Variants in AGAP1 observed in about 807,000 individuals in gnomAD.
AGAP1 encodes the protein ArfGAP with GTPase domain, ankyrin repeat and PH domain 1, also known as arf-GAP with GTPase, ANK repeat and PH domain-containing protein 1.
A neutral mutation model predicts 105.3 loss-of-function variants in AGAP1; 29 were observed. The ratio of observed to expected loss-of-function variants is 0.28; its 90% CI spans 0.21 to 0.38. The LOEUF (loss-of-function observed/expected upper bound fraction) is 0.38. Ranked by LOEUF, AGAP1 falls within the 10% of genes least tolerant of loss-of-function variation. The pLI, the probability that AGAP1 is intolerant of heterozygous loss-of-function variation, is 1.00. For synonymous variants in AGAP1, 509 were observed against 485.9 expected (o/e 1.05, Z -0.63); for missense variants, 998 against 1,165.1 (o/e 0.86, Z 2.09).
In AGAP1 at chr2:235,931,087, G is replaced by T. The variant is rs35953119; in HGVS notation, c.1483+164G>T. ...ACATCTTGCCTTTCATCTGTGGAAC[G>T]TTTTGTCCTTGCTAGGCTGTCTTGC... On this transcript the variant is annotated intron_variant, in intron 12 of 17. Transcript: ENST00000304032. The surrounding 1 kb of genome is among the most constrained non-coding windows in gnomAD (Gnocchi z 5.6). Among the ~76,000 whole-genome samples, 1 of 152,016 alleles carries T rather than the reference G, an allele frequency of 6.6e-6. No homozygotes were observed. Among genetic ancestry groups the T allele is most frequent in the Non-Finnish European group, 1.5e-5 (1 of 67,978 alleles).
rs1943949130 is a variant in AGAP1 at position 235,555,598 on chromosome 2, C to T, written c.163+60749C>T. Among the ~76,000 whole-genome samples the T allele has an allele frequency of 6.6e-6, 1 of 152,226 alleles. No individual in the cohort carries two copies. Among genetic ancestry groups the T allele is most frequent in the Non-Finnish European group, 1.5e-5 (1 of 68,038 alleles). On this transcript the variant is annotated intron_variant, in intron 1 of 17. Transcript: ENST00000304032. The surrounding 1 kb of genome is among the most constrained non-coding windows in gnomAD (Gnocchi z 5.1). ...GAGGTAGTCATGTTTGGAGGCCGGG[C>T]TGTGCATGAGCTATGCAGGCCTTGG... is the stretch of plus-strand genomic sequence containing the variant.
Position 235,744,762 on chromosome 2 carries a change from C to T in AGAP1, c.461C>T (p.Thr154Ile), listed in dbSNP as rs368517565. Reference protein sequence around the residue: ...FSLEDEISFQTVYHYYSRMAN... With the variant: ...FSLEDEISFQIVYHYYSRMAN... ...TTGGAGGATGAAATAAGTTTCCAGA[C>T]CGTTTACCACTACTACAGTCGAATG... Residue 154 changes from threonine (T) to isoleucine (I), a missense_variant, in exon 5 of 18, where the codon ACC becomes ATC. Around this residue, in one of 3 missense-constraint regions of AGAP1, gnomAD observed 735 missense variants for 833.4 expected, o/e 0.88. Coordinates refer to ENST00000304032, the MANE Select transcript of AGAP1 (RefSeq NM_001037131.3). This position sits in a 1 kb window ranked among gnomAD's most constrained non-coding sequence, Gnocchi z 5.2. 7 of 1,613,872 alleles carry T rather than the reference C, an allele frequency of 4.3e-6. No homozygotes were observed. In the Admixed American group the frequency reaches 1.0e-4, roughly 23 times the overall value.
Position 235,720,543 on chromosome 2 carries a change from A to T in AGAP1, c.310+2899A>T. The T allele has an allele frequency of 2.3e-6, 1 of 438,912 alleles. No individual in the cohort carries two copies. Among genetic ancestry groups the T allele is most frequent in the Non-Finnish European group, 3.0e-6 (1 of 331,008 alleles). 27.2% of individuals were successfully genotyped at this position (438,912 alleles called of 1,614,324 possible). On this transcript the variant is annotated intron_variant, in intron 3 of 17. Coordinates refer to ENST00000304032, the MANE Select transcript of AGAP1 (RefSeq NM_001037131.3). The surrounding 1 kb of genome is among the most constrained non-coding windows in gnomAD (Gnocchi z 5.0). ...CTGTGGCCTTCCCATTTCTTGGTGT[A>T]CTGCTGCCTTCTCATCAGACCTCCT... is the stretch of plus-strand genomic sequence containing the variant.
rs1171343569 is a variant in AGAP1 at position 235,906,964 on chromosome 2, T to C, written c.1156-1774T>C. Among the ~76,000 whole-genome samples the C allele has an allele frequency of 1.3e-5, 2 of 152,156 alleles. No homozygotes were observed. Among genetic ancestry groups the C allele is most frequent in the Admixed American group, 1.3e-4 (2 of 15,276 alleles). On this transcript the variant is annotated intron_variant, in intron 10 of 17. Transcript: ENST00000304032. This position sits in a 1 kb window ranked among gnomAD's most constrained non-coding sequence, Gnocchi z 5.3. ...CCGGAAGGCAGAGGTTACAGTGAGC[T>C]GAGTTCATGCCACTCCACTCCAGCC... is the stretch of plus-strand genomic sequence containing the variant.
chr2:235,796,280 G>T (rs867383320), intron 6 of AGAP1, among the ~76,000 whole-genome samples: 5 of 152,258 alleles, frequency 3.3e-5, no homozygotes, highest in Non-Finnish European at 5.9e-5. Context: ...AACACATTTT[G>T]CATCTGTTGA....
intron 12 of AGAP1, among the ~76,000 whole-genome samples, chr2:235,956,534 G>A (rs2053958509): frequency 6.6e-6 from 1 of 152,132 alleles, no homozygotes; most frequent in South Asian, 2.1e-4. Flanking sequence ...CTGTTGTAGT[G>A]GACAAGAAAG....
rs2059854808 is a variant in AGAP1 at position 236,119,683 on chromosome 2, T to A, written c.2115-509T>A. ...CAGAGACCATGCTTCCATCGTGCGG[T>A]CCGTGCTCTCGGCCCCGGAGACCGT... is the stretch of plus-strand genomic sequence containing the variant. On this transcript the variant is annotated intron_variant, in intron 16 of 17. Coordinates refer to ENST00000304032, the MANE Select transcript of AGAP1 (RefSeq NM_001037131.3). The surrounding 1 kb of genome is among the most constrained non-coding windows in gnomAD (Gnocchi z 6.6). 6.6e-6 allele frequency among the ~76,000 whole-genome samples: 1 copy of A among 150,520 alleles called. No homozygotes were observed. Among genetic ancestry groups the A allele is most frequent in the South Asian group, 2.1e-4 (1 of 4,714 alleles).
At chr2:235,688,764 T>C (rs1309396697) in intron 1 of AGAP1, among the ~76,000 whole-genome samples, 1 of 152,134 alleles carries the variant, frequency 6.6e-6, no homozygotes, top group African/African-American at 2.4e-5. Context: ...AGCATTGGGG[T>C]GCTTTGGTGA....
At chr2:235,860,653 A>G (rs2048890200) in intron 9 of AGAP1, among the ~76,000 whole-genome samples, 1 of 152,252 alleles carries the variant, frequency 6.6e-6, no homozygotes. Context: ...GAGAAGTGGC[A>G]GTAGTACAGA....
At position 236,009,859 on chromosome 2, in the gene AGAP1, CTATCTGAGGAATATT is replaced by C. The variant is rs1198173279; in HGVS notation, c.1646-26694_1646-26680del. On this transcript the variant is annotated intron_variant, in intron 13 of 17. Coordinates refer to ENST00000304032, the MANE Select transcript of AGAP1 (RefSeq NM_001037131.3). The surrounding 1 kb of genome is among the most constrained non-coding windows in gnomAD (Gnocchi z 4.2). Reference sequence around the variant, plus strand: ...CGGCGCTGCATCATTTTTTAATCAGCTATCTGAGGAATATTTATCTGATCAACAAAGAGTGTTGTC... The same window carrying C: ...CGGCGCTGCATCATTTTTTAATCAGCTATCTGATCAACAAAGAGTGTTGTC... Among the ~76,000 whole-genome samples, 1 of 152,158 alleles carries C rather than the reference CTATCTGAGGAATATT, an allele frequency of 6.6e-6. No homozygotes were observed. Among genetic ancestry groups the C allele is most frequent in the African/African-American group, 2.4e-5 (1 of 41,428 alleles).
rs1475497431 is a variant in AGAP1 at position 235,744,004 on chromosome 2, T to C, written c.397-694T>C. Among the ~76,000 whole-genome samples, 1 of 152,224 alleles carries C rather than the reference T, an allele frequency of 6.6e-6. No individual in the cohort carries two copies. The highest frequency in any genetic ancestry group is 2.4e-5 in the African/African-American group (1 of 41,460). On this transcript the variant is annotated intron_variant, in intron 4 of 17. Coordinates refer to ENST00000304032, the MANE Select transcript of AGAP1 (RefSeq NM_001037131.3). The surrounding 1 kb of genome is among the most constrained non-coding windows in gnomAD (Gnocchi z 5.2). Reference sequence around the variant, plus strand: ...GGGTATCTGTCAAAAGAGGATGTGATGTAGGTTCAACTGGCAAGACAAGAA... The same window carrying C: ...GGGTATCTGTCAAAAGAGGATGTGACGTAGGTTCAACTGGCAAGACAAGAA...
At chr2:235,715,352 T>G (rs981123125) in intron 2 of AGAP1, among the ~76,000 whole-genome samples, 1 of 152,104 alleles carries the variant, frequency 6.6e-6, no homozygotes, top group African/African-American at 2.4e-5. Flanking sequence ...CTCGGGGTCC[T>G]AAGTGTAGTG....
Position 235,904,450 on chromosome 2 carries a change from G to C in AGAP1, c.1156-4288G>C, listed in dbSNP as rs549545840. 2.6e-5 allele frequency among the ~76,000 whole-genome samples: 4 copies of C among 152,138 alleles called. No homozygotes were observed. The highest frequency in any genetic ancestry group is 9.7e-5 in the African/African-American group (4 of 41,418). On this transcript the variant is annotated intron_variant, in intron 10 of 17. Transcript: ENST00000304032. This position sits in a 1 kb window ranked among gnomAD's most constrained non-coding sequence, Gnocchi z 4.2. ...TGAGGGGCAGGAGATGGCACCTCTG[G>C]GGGGCCTGGCTCTTGAGTGGGCCCC...
chr2:236,036,167 A>G lies in AGAP1; in HGVS notation c.1646-394A>G, dbSNP rs1318955545. Reference sequence around the variant, plus strand: ...TCTGTGGATCTACGCGAGTGCTTAGATAGAAATTAACCCTGCAGCCGGAGA... The same window carrying G: ...TCTGTGGATCTACGCGAGTGCTTAGGTAGAAATTAACCCTGCAGCCGGAGA... On this transcript the variant is annotated intron_variant, in intron 13 of 17. Transcript: ENST00000304032. This position sits in a 1 kb window ranked among gnomAD's most constrained non-coding sequence, Gnocchi z 5.7. 6.6e-6 allele frequency among the ~76,000 whole-genome samples: 1 copy of G among 152,164 alleles called. No individual in the cohort carries two copies. Among genetic ancestry groups the G allele is most frequent in the Non-Finnish European group, 1.5e-5 (1 of 68,036 alleles).
intron 11 of AGAP1, among the ~76,000 whole-genome samples, chr2:235,910,096 G>A (rs1302544279): frequency 2.0e-5 from 3 of 152,230 alleles, no homozygotes; most frequent in Non-Finnish European, 2.9e-5. Context: ...AACATCAAGT[G>A]CTTTTAAAGA....
rs150492625 is a variant in AGAP1 at position 235,996,068 on chromosome 2, G to A, written c.1645+27445G>A. ...GGAGGGGTACAGAGATTAACTGGAG[G>A]CTTGCCAACCGTTTGTCACACAAAT... On this transcript the variant is annotated intron_variant, in intron 13 of 17. Coordinates refer to ENST00000304032, the MANE Select transcript of AGAP1 (RefSeq NM_001037131.3). Among the ~76,000 whole-genome samples the A allele has an allele frequency of 2.1e-3, 321 of 152,298 alleles. 1 individual carries two copies. Among genetic ancestry groups the A allele is most frequent in the African/African-American group, 7.3e-3 (302 of 41,566 alleles).
intron 1 of AGAP1, among the ~76,000 whole-genome samples, chr2:235,524,835 C>T (rs767538747): frequency 1.3e-5 from 2 of 152,188 alleles, no homozygotes; most frequent in African/African-American, 2.4e-5. Flanking sequence ...CTTCAGTGAA[C>T]AGATGTCTTC....
intron 8 of AGAP1, among the ~76,000 whole-genome samples, chr2:235,803,326 G>A (rs895272141): frequency 2.0e-5 from 3 of 152,210 alleles, no homozygotes; most frequent in Non-Finnish European, 4.4e-5. Flanking sequence ...TGAAATCATA[G>A]CAATTAAGAT....
In AGAP1 at chr2:235,946,210, C is replaced by T. The variant is rs796800755; in HGVS notation, c.1483+15287C>T. On this transcript the variant is annotated intron_variant, in intron 12 of 17. Coordinates refer to ENST00000304032, the MANE Select transcript of AGAP1 (RefSeq NM_001037131.3). ...AAGCTGTTAATTTTGGGGGTGTATA[C>T]CCTTCCAGTTTGTGTGTGTGTGGTT... 3.3e-5 allele frequency among the ~76,000 whole-genome samples: 5 copies of T among 151,912 alleles called. No individual in the cohort carries two copies. In the South Asian group the frequency reaches 1.0e-3, roughly 32 times the overall value.
Sources: gnomAD v4.1 joint callset for allele counts (sites outside exome capture counted in the v4.1 genomes callset) on GRCh38, gnomAD v4.1.1 for gene constraint, gnomAD v4.1.1 regional missense constraint, Gnocchi (gnomAD v3.1) non-coding constraint, MANE v1.5 for transcripts, NCBI Gene and HGNC (gene_info 2026-07-23, HGNC 2026-07-21) for gene names.